SEMA5A: variants seen among roughly 807,000 people sequenced by gnomAD.
The protein encoded by SEMA5A is semaphorin-5A.
In SEMA5A, 55 loss-of-function variants were observed where a neutral mutation model predicts 135.5. The ratio of observed to expected loss-of-function variants is 0.41; its 90% CI spans 0.33 to 0.51. The LOEUF (loss-of-function observed/expected upper bound fraction) is 0.51, where lower values mean the gene tolerates loss of function less well. SEMA5A is among the 20% of genes least tolerant of loss of function. SEMA5A has a pLI of 0.37. For synonymous variants in SEMA5A, 580 were observed against 546.5 expected (o/e 1.06, Z -0.85); for missense variants, 1,290 against 1,419.9 (o/e 0.91, Z 1.47).
At chr5:9,130,739 G>T (rs1371019178) in intron 13 of SEMA5A, among the ~76,000 whole-genome samples, 1 of 152,128 alleles carries the variant, frequency 6.6e-6, no homozygotes, top group Non-Finnish European at 1.5e-5. Flanking sequence ...ACAAAATTCA[G>T]AAATAATCTC....
chr5:9,505,287 C>T (rs752457197), intron 1 of SEMA5A, among the ~76,000 whole-genome samples: 6 of 152,182 alleles, frequency 3.9e-5, no homozygotes, highest in Non-Finnish European at 7.3e-5. Context: ...AAGCATTTCG[C>T]TTTCAGTAGA....
intron 5 of SEMA5A, among the ~76,000 whole-genome samples, chr5:9,298,442 T>A (rs532859261): frequency 6.6e-6 from 1 of 152,356 alleles, no homozygotes; most frequent in Middle Eastern, 3.4e-3. Context: ...GTCATCCATT[T>A]CTGTTGTGTT....
At chr5:9,043,332 A>T (rs1405945739) in intron 22 of SEMA5A, 1 of 246,470 alleles carries the variant, frequency 4.1e-6, no homozygotes, top group Non-Finnish European at 7.8e-6. Context: ...ATGATTTCAA[A>T]TTAACAGACA....
intron 5 of SEMA5A, among the ~76,000 whole-genome samples, chr5:9,238,870 A>G (rs1052556835): frequency 6.6e-6 from 1 of 152,208 alleles, no homozygotes; most frequent in Non-Finnish European, 1.5e-5. Context: ...ACAGAAAGAC[A>G]TTTTGAGATA....
chr5:9,475,282 G>A (rs189695031), intron 1 of SEMA5A, among the ~76,000 whole-genome samples: 33 of 152,292 alleles, frequency 2.2e-4, no homozygotes, highest in East Asian at 2.1e-3. Context: ...GTGGTCCACC[G>A]TGTCAAAATC....
chr5:9,078,365 A>G (rs1326305987), intron 16 of SEMA5A, among the ~76,000 whole-genome samples: 4 of 152,222 alleles, frequency 2.6e-5, no homozygotes, highest in Admixed American at 2.0e-4. Context: ...GATAATTTGT[A>G]CAGATTTTAA....
At position 9,270,955 on chromosome 5, in the gene SEMA5A, A is replaced by T. The variant is rs185999002; in HGVS notation, c.271-33065T>A. On this transcript the variant is annotated intron_variant, in intron 5 of 22. Coordinates refer to ENST00000382496, the MANE Select transcript of SEMA5A (RefSeq NM_003966.3). The stretch of plus-strand genomic sequence containing the variant: ...TTATATTTTCACATATTGAAGAAAG[A>T]ATTTGTGAATGTTTGCTTTCTCCTT... 3.2e-4 allele frequency among the ~76,000 whole-genome samples: 48 copies of T among 152,182 alleles called. 1 individual carries two copies. Among genetic ancestry groups the T allele is most frequent in the Non-Finnish European group, 6.0e-4 (41 of 68,014 alleles).
intron 3 of SEMA5A, among the ~76,000 whole-genome samples, chr5:9,377,921 AC>A (rs1478494747): frequency 1.3e-5 from 2 of 152,168 alleles, no homozygotes; most frequent in African/African-American, 4.8e-5. Flanking sequence ...CATCTTGTCA[AC>A]CCAGAGAGTA....
At chr5:9,489,451 G>A (rs1394932488) in intron 1 of SEMA5A, among the ~76,000 whole-genome samples, 3 of 152,098 alleles carry the variant, frequency 2.0e-5, no homozygotes, top group African/African-American at 4.8e-5. Context: ...TGTAAGGTGG[G>A]AAGGAGGGCC....
At chr5:9,190,136 G>A (rs1375005324) in intron 11 of SEMA5A, 131 bp downstream of exon 11, 5 of 827,066 alleles carry the variant, frequency 6.0e-6, no homozygotes, top group African/African-American at 3.4e-5. Context: ...TGAGCATCGC[G>A]GGTTTTGCTG....
chr5:9,480,956 G>GT (rs932618056), intron 1 of SEMA5A, among the ~76,000 whole-genome samples: 1 of 151,882 alleles, frequency 6.6e-6, no homozygotes, highest in African/African-American at 2.4e-5. Context: ...TGGTTTTTTG[G>GT]TTTTTTTGAG....
At chr5:9,465,031 C>T (rs144090702) in intron 1 of SEMA5A, among the ~76,000 whole-genome samples, 5 of 152,064 alleles carry the variant, frequency 3.3e-5, no homozygotes, top group East Asian at 2.0e-4. Flanking sequence ...TCACCTGGAA[C>T]GAGCTGTAAA....
At chr5:9,272,803 G>C (rs535782497) in intron 5 of SEMA5A, among the ~76,000 whole-genome samples, 67 of 152,240 alleles carry the variant, frequency 4.4e-4, no homozygotes, top group Admixed American at 7.2e-4. Flanking sequence ...AACAAACAAA[G>C]GAATGGTATC....
chr5:9,206,906 C>G (rs1746050587), intron 8 of SEMA5A, among the ~76,000 whole-genome samples: 1 of 149,810 alleles, frequency 6.7e-6, no homozygotes, highest in Non-Finnish European at 1.5e-5. Flanking sequence ...TGGGCTGATA[C>G]ATAGCAGGAT....
Position 9,154,592 on chromosome 5 carries a change from G to A in SEMA5A, c.1377C>T (p.Ile459=). 1 of 1,613,920 alleles carries A rather than the reference G, an allele frequency of 6.2e-7. No homozygotes were observed. Residue 459 remains isoleucine (I), a synonymous_variant, in exon 12 of 23, where the codon ATC becomes ATT. Coordinates refer to ENST00000382496, the MANE Select transcript of SEMA5A (RefSeq NM_003966.3). ...GGCTGTGCAGGATCTGCAGGCTCCT[G>A]ATGGGCTCCCTCCGCCTCTCAGGGA... is the stretch of plus-strand genomic sequence containing the variant. The part of the protein sequence containing the change: ...ELFPERRREP[I]RSLQILHSQS...
chr5:9,232,943 A>G (rs779710576), intron 6 of SEMA5A, among the ~76,000 whole-genome samples: 20 of 152,236 alleles, frequency 1.3e-4, no homozygotes, highest in Non-Finnish European at 2.6e-4. Flanking sequence ...GCACTTAGGT[A>G]GTATGGTGTC....
At chr5:9,173,661 G>T (rs927397234) in intron 11 of SEMA5A, among the ~76,000 whole-genome samples, 1 of 152,068 alleles carries the variant, frequency 6.6e-6, no homozygotes. Flanking sequence ...CCCTCACATT[G>T]GGAATAAGGT....
intron 11 of SEMA5A, among the ~76,000 whole-genome samples, chr5:9,186,531 G>A (rs1335573577): frequency 1.3e-5 from 2 of 152,182 alleles, no homozygotes; most frequent in Admixed American, 1.3e-4. Flanking sequence ...AAGGTAGGAA[G>A]GACTCTAGCT....
intron 1 of SEMA5A, among the ~76,000 whole-genome samples, chr5:9,447,332 C>T (rs1849363): frequency 0.91 from 138,963 of 152,286 alleles, 63,554 homozygotes; most frequent in African/African-American, 0.96. Context: ...AAGCCAATTG[C>T]GTTTTGCCTT....
Sources: allele counts gnomAD v4.1 joint callset (sites outside exome capture counted in the v4.1 genomes callset), GRCh38; gene constraint gnomAD v4.1.1; transcripts MANE v1.5; gene names NCBI Gene and HGNC (gene_info 2026-07-23, HGNC 2026-07-21).